Variants in SLC9A3 observed in about 807,000 individuals in gnomAD.
The protein encoded by SLC9A3 is sodium/hydrogen exchanger 3.
Under a neutral mutation model 86.8 loss-of-function variants are expected in SLC9A3, and 37 were observed. That is an observed-to-expected ratio of 0.43 (90% CI 0.33 to 0.56). The LOEUF (loss-of-function observed/expected upper bound fraction) is 0.56. SLC9A3 is among the 20% of genes least tolerant of loss of function. The pLI is 0.06. For synonymous variants in SLC9A3, 581 were observed against 528.3 expected (o/e 1.10, Z -1.37); for missense variants, 1,011 against 1,171.9 (o/e 0.86, Z 2.00).
chr5:471,625 CTG>C lies in SLC9A3; in HGVS notation c.*1752_*1753del, dbSNP rs1364366799. The C allele has an allele frequency of 1.3e-5, 5 of 383,490 alleles. No individual in the cohort carries two copies. The Admixed American group carries it at 1.5e-4, about 12-fold the overall frequency. The allele number at this position is 383,490 out of a possible 1,614,324, so 23.8% of individuals were successfully genotyped here. On this transcript the variant is annotated 3_prime_UTR_variant, in exon 17 of 17. Coordinates refer to ENST00000264938, the MANE Select transcript of SLC9A3 (RefSeq NM_004174.4). ...TGGATCTGTCCAGTAGGGTCACTGA[CTG>C]GGCAGGGCTTGCTGCATAGAGGATG...
chr5:502,830 G>C (rs149141131), intron 1 of SLC9A3, among the ~76,000 whole-genome samples: 1 of 104,736 alleles, frequency 9.5e-6, no homozygotes. Context: ...GACGGGCGCC[G>C]AAAGCCGCCG....
intron 12 of SLC9A3, 33 bp downstream of exon 12, chr5:476,510 G>T (rs769199001): frequency 1.2e-6 from 2 of 1,607,004 alleles, no homozygotes; most frequent in African/African-American, 2.7e-5. Context: ...GGGTCCCTGC[G>T]GGGTCCTCCA....
At position 476,077 on chromosome 5, in the gene SLC9A3, G is replaced by A; in HGVS notation, c.2083C>T (p.Pro695Ser). 6.2e-7 allele frequency: 1 copy of A among 1,613,430 alleles called. No individual in the cohort carries two copies. Among genetic ancestry groups the A allele is most frequent in the Non-Finnish European group, 8.5e-7 (1 of 1,179,872 alleles). The change falls in exon 14 of 17, where the codon CCC becomes TCC. Residue 695 changes from proline to serine, a missense_variant. Coordinates refer to ENST00000264938, the MANE Select transcript of SLC9A3 (RefSeq NM_004174.4). The part of the protein sequence containing the change: ...RAQKRRNSSI[P>S]NGKLPMESPA... ...CTCTCCATGGGCAGCTTCCCATTGG[G>A]GATGCTGCTGTTTCTCTGCGGAGCA...
chr5:497,114 A>G lies in SLC9A3; in HGVS notation c.212-5043T>C, dbSNP rs1740051290. On this transcript the variant is annotated intron_variant, in intron 1 of 16. Transcript: ENST00000264938. This position sits in a 1 kb window ranked among gnomAD's most constrained non-coding sequence, Gnocchi z 5.4. The stretch of plus-strand genomic sequence containing the variant: ...AAATAGTTAAAAATAGTTGCAACTC[A>G]GAAGGCCCTGCTAGCCTCAGAGAGA... 2.0e-5 allele frequency among the ~76,000 whole-genome samples: 3 copies of G among 152,200 alleles called. No individual in the cohort carries two copies.
intron 1 of SLC9A3, among the ~76,000 whole-genome samples, chr5:507,609 A>C (rs1579816802): frequency 2.0e-5 from 3 of 147,228 alleles, no homozygotes; most frequent in Admixed American, 6.8e-5. Context: ...AACCCCCAAC[A>C]CCCCAATCCC....
At chr5:489,901 C>T (rs937369709) in intron 2 of SLC9A3, among the ~76,000 whole-genome samples, 2 of 152,270 alleles carry the variant, frequency 1.3e-5, no homozygotes, top group African/African-American at 4.8e-5. Context: ...GGCCTTTCTC[C>T]ACCACGTGCT....
At chr5:504,322 G>C (rs1187023601) in intron 1 of SLC9A3, among the ~76,000 whole-genome samples, 1 of 152,182 alleles carries the variant, frequency 6.6e-6, no homozygotes, top group Non-Finnish European at 1.5e-5. Flanking sequence ...GGTGTGACCT[G>C]CCCTCCTTGC....
At chr5:523,717 C>A (rs1463416329) in intron 1 of SLC9A3, among the ~76,000 whole-genome samples, 1 of 152,070 alleles carries the variant, frequency 6.6e-6, no homozygotes, top group Non-Finnish European at 1.5e-5. Context: ...TTGTAACTCA[C>A]GAAAAAACGC....
rs1236414707 is a variant in SLC9A3, at chr5:475,671, T to C, written c.2141A>G (p.Asp714Gly). 6.5e-7 allele frequency: 1 copy of C among 1,535,012 alleles called. No homozygotes were observed. Among genetic ancestry groups the C allele is most frequent in the Non-Finnish European group, 8.8e-7 (1 of 1,131,812 alleles). Reference sequence around the variant, plus strand: ...CTCCTCGGTGTCTGAAAGTTCCAAGTCTGGGGAAGACAGGTTGGGGTGAGG... The same window carrying C: ...CTCCTCGGTGTCTGAAAGTTCCAAGCCTGGGGAAGACAGGTTGGGGTGAGG... ...PAQNFTIKEK[D>G]LELSDTEEPP... The change falls in exon 15 of 17, where the codon GAC becomes GGC. Residue 714 changes from aspartate (D) to glycine (G), a missense_variant and splice_region_variant. Around this residue, in one of 3 missense-constraint regions of SLC9A3, gnomAD observed 397 missense variants for 346.3 expected, o/e 1.15. Transcript: ENST00000264938.
intron 1 of SLC9A3, among the ~76,000 whole-genome samples, chr5:493,519 G>A (rs1739888833): frequency 1.3e-5 from 2 of 152,250 alleles, no homozygotes; most frequent in African/African-American, 4.8e-5. Flanking sequence ...CCAGAGGAGG[G>A]AGGTGCTGTT....
At chr5:518,384 A>G (rs190321595) in intron 1 of SLC9A3, among the ~76,000 whole-genome samples, 6 of 151,856 alleles carry the variant, frequency 4.0e-5, no homozygotes, top group Admixed American at 1.3e-4. Flanking sequence ...GCGACCGGGC[A>G]CCCTGAGGCC....
chr5:503,539 T>A (rs949532985), intron 1 of SLC9A3, among the ~76,000 whole-genome samples: 6 of 152,072 alleles, frequency 3.9e-5, no homozygotes, highest in Admixed American at 3.9e-4. Flanking sequence ...AGGCCTGATA[T>A]ATGTGTAGCT....
rs528526796 is a variant in SLC9A3 at position 504,774 on chromosome 5, G to A, written c.212-12703C>T. ...GGGTGTTCGTGCCCAGCTCCTGGCC[G>A]GCCACCGACATGGCCCCTTCATGGG... On this transcript the variant is annotated intron_variant, in intron 1 of 16. Transcript: ENST00000264938. Among the ~76,000 whole-genome samples, 16 of 152,334 alleles carry A rather than the reference G, an allele frequency of 1.1e-4. No homozygotes were observed. The East Asian group carries it at 1.7e-3, about 17-fold the overall frequency.
Position 479,873 on chromosome 5 carries a change from T to C in SLC9A3, c.1610A>G (p.Glu537Gly). 1 of 1,613,886 alleles carries C rather than the reference T, an allele frequency of 6.2e-7. No individual in the cohort carries two copies. Among genetic ancestry groups the C allele is most frequent in the South Asian group, 1.1e-5 (1 of 91,084 alleles). The part of the protein sequence containing the change: ...SRDRILNVFH[E>G]LNLKDAISYV... ...GCTGATGGCATCCTTCAGGTTCAGC[T>C]CGTGGAAGACATTCAGGATCCGGTC... is the stretch of plus-strand genomic sequence containing the variant. Residue 537 changes from glutamate (E) to glycine (G), a missense_variant, in exon 10 of 17, where the codon GAG becomes GGG. Physicochemically the swap from Glu to Gly is moderately conservative, Grantham distance 98 (BLOSUM62 -2). Transcript: ENST00000264938.
chr5:522,585 C>A (rs544473863), intron 1 of SLC9A3, among the ~76,000 whole-genome samples: 9 of 152,070 alleles, frequency 5.9e-5, no homozygotes, highest in Admixed American at 2.6e-4. Context: ...CATGGAGAAA[C>A]CCTGTCTGTA....
chr5:514,547 G>A (rs942065731), intron 1 of SLC9A3, among the ~76,000 whole-genome samples: 4 of 152,228 alleles, frequency 2.6e-5, no homozygotes, highest in African/African-American at 7.2e-5. Context: ...TCCAGTAGGT[G>A]GGGAAGGAGT....
Position 481,554 on chromosome 5 carries a change from C to A in SLC9A3, c.1517+11G>T, listed in dbSNP as rs766664645. On this transcript the variant is annotated intron_variant, in intron 9 of 16. Coordinates refer to ENST00000264938, the MANE Select transcript of SLC9A3 (RefSeq NM_004174.4). ...CTGTGCGACACCGCCGGGGCCGTCCCAGCCACTTACTTGTCTCTGAGATAA... is the reference window on the plus strand; with the variant it reads ...CTGTGCGACACCGCCGGGGCCGTCCAAGCCACTTACTTGTCTCTGAGATAA... 1 of 1,611,428 alleles carries A rather than the reference C, an allele frequency of 6.2e-7. No individual in the cohort carries two copies.
In SLC9A3 at chr5:472,119, A is replaced by C; in HGVS notation, c.*1260T>G. 2.5e-6 allele frequency: 1 copy of C among 403,408 alleles called. No individual in the cohort carries two copies. Among genetic ancestry groups the C allele is most frequent in the Admixed American group, 2.8e-5 (1 of 35,834 alleles). The allele number at this position is 403,408 out of a possible 1,614,324, so 25.0% of individuals were successfully genotyped here. On this transcript the variant is annotated 3_prime_UTR_variant, in exon 17 of 17. Coordinates refer to ENST00000264938, the MANE Select transcript of SLC9A3 (RefSeq NM_004174.4). Reference sequence around the variant, plus strand: ...GACTTGCCGTCTGAGGGATGGATGGACTCCGAGCACCCTCCCCGGCTCAGC... The same window carrying C: ...GACTTGCCGTCTGAGGGATGGATGGCCTCCGAGCACCCTCCCCGGCTCAGC...
At chr5:505,784 G>A (rs1225012405) in intron 1 of SLC9A3, among the ~76,000 whole-genome samples, 1 of 114,582 alleles carries the variant, frequency 8.7e-6, no homozygotes, top group African/African-American at 3.3e-5. Context: ...TGGCTGTGGG[G>A]GGTGGGTGGG....
Sources: gnomAD v4.1 joint callset for allele counts (sites outside exome capture counted in the v4.1 genomes callset) on GRCh38, gnomAD v4.1.1 for gene constraint, gnomAD v4.1.1 regional missense constraint, Gnocchi (gnomAD v3.1) non-coding constraint, MANE v1.5 for transcripts, NCBI Gene and HGNC (gene_info 2026-07-23, HGNC 2026-07-21) for gene names.